SPECC1: variants seen among roughly 807,000 people sequenced by gnomAD.
SPECC1 encodes the protein sperm antigen with calponin homology and coiled-coil domains 1.
In SPECC1, 62 loss-of-function variants were observed where a neutral mutation model predicts 104.1. That is an observed-to-expected ratio of 0.60 (90% CI 0.49 to 0.74). The LOEUF is 0.74. Ranked by LOEUF, SPECC1 falls within the 30% of genes least tolerant of loss-of-function variation. The pLI is 0.00. For synonymous variants in SPECC1, 513 were observed against 501.6 expected (o/e 1.02, Z -0.30); for missense variants, 1,306 against 1,310.5 (o/e 1.00, Z 0.05).
chr17:20,082,501 G>C (rs2047013171), intron 1 of SPECC1, among the ~76,000 whole-genome samples: 1 of 152,222 alleles, frequency 6.6e-6, no homozygotes, highest in Non-Finnish European at 1.5e-5. Context: ...AGAGGCTGAG[G>C]TGGGAGGGTT....
chr17:20,194,725 C>T (rs1005767514), intron 3 of SPECC1, among the ~76,000 whole-genome samples: 7 of 151,570 alleles, frequency 4.6e-5, no homozygotes, highest in Admixed American at 1.3e-4. Flanking sequence ...AGGATGGTCT[C>T]GATCTCCTGA....
At chr17:20,069,795 C>T (rs2046482109) in intron 1 of SPECC1, among the ~76,000 whole-genome samples, 1 of 151,956 alleles carries the variant, frequency 6.6e-6, no homozygotes, top group South Asian at 2.1e-4. Context: ...TCCACTTACT[C>T]ATACATATTG....
chr17:20,199,426 G>A (rs1239000503), intron 3 of SPECC1, among the ~76,000 whole-genome samples: 5 of 124,382 alleles, frequency 4.0e-5, no homozygotes, highest in African/African-American at 1.6e-4. Context: ...TAGAGACAGG[G>A]TCTTTCTCTG....
intron 3 of SPECC1, among the ~76,000 whole-genome samples, chr17:20,115,514 G>T (rs2048712589): frequency 6.6e-6 from 1 of 151,648 alleles, no homozygotes; most frequent in Non-Finnish European, 1.5e-5. Context: ...AAAAATTGGA[G>T]ATCAAAATAT....
intron 12 of SPECC1, among the ~76,000 whole-genome samples, chr17:20,285,409 TCTTA>T (rs1018417137): frequency 1.8e-4 from 28 of 151,972 alleles, no homozygotes; most frequent in African/African-American, 4.8e-4. Flanking sequence ...AAATTCTGTA[TCTTA>T]CTTTTTTTTT....
At position 20,213,244 on chromosome 17, in the gene SPECC1, TGC is replaced by T. The variant is rs533466930; in HGVS notation, c.1863+7333_1863+7334del. Among the ~76,000 whole-genome samples the T allele has an allele frequency of 4.6e-5, 7 of 152,268 alleles. No individual in the cohort carries two copies. In the East Asian group the frequency reaches 9.7e-4, roughly 21 times the overall value. ...TCCCAAGTAGCTGGAATTACAGGTG[TGC>T]AACACTATGCCCAATTTTTTATTTT... is the stretch of plus-strand genomic sequence containing the variant. On this transcript the variant is annotated intron_variant, in intron 4 of 14. Coordinates refer to ENST00000395527, the MANE Select transcript of SPECC1 (RefSeq NM_001243439.2).
intron 1 of SPECC1, among the ~76,000 whole-genome samples, chr17:20,082,733 G>C (rs185408505): frequency 6.6e-6 from 1 of 152,188 alleles, no homozygotes; most frequent in East Asian, 1.9e-4. Context: ...TGACCTCATT[G>C]CACCTTAATT....
At chr17:20,155,741 C>T in intron 3 of SPECC1, 1 of 225,644 alleles carries the variant, frequency 4.4e-6, no homozygotes, top group Non-Finnish European at 7.8e-6. Context: ...TCCGCCTCAC[C>T]GCAGTGGGGT....
At chr17:20,179,327 C>G (rs1226108807) in intron 3 of SPECC1, among the ~76,000 whole-genome samples, 1 of 152,274 alleles carries the variant, frequency 6.6e-6, no homozygotes, top group Non-Finnish European at 1.5e-5. Context: ...TTTCTGGGAT[C>G]TTGATCTTGC....
chr17:20,244,618 C>G (rs1042801321), intron 7 of SPECC1, among the ~76,000 whole-genome samples: 1 of 151,854 alleles, frequency 6.6e-6, no homozygotes, highest in African/African-American at 2.4e-5. Context: ...CAGAAGAAAG[C>G]TTAGAGAATT....
intron 3 of SPECC1, among the ~76,000 whole-genome samples, chr17:20,190,477 T>TA (rs1236307502): frequency 6.6e-6 from 1 of 152,082 alleles, no homozygotes; most frequent in African/African-American, 2.4e-5. Flanking sequence ...TACTGCCTTC[T>TA]AAAAAAATAA....
intron 10 of SPECC1, 70 bp downstream of exon 10, chr17:20,253,656 C>G (rs1222544732): frequency 3.5e-6 from 5 of 1,417,294 alleles, no homozygotes; most frequent in Non-Finnish European, 4.9e-6. Context: ...CATTTCTCTG[C>G]ATGAAACTGA....
intron 3 of SPECC1, among the ~76,000 whole-genome samples, chr17:20,190,888 A>G (rs949263887): frequency 6.6e-6 from 1 of 151,536 alleles, no homozygotes; most frequent in African/African-American, 2.4e-5. Flanking sequence ...CCTCCCCCCA[A>G]CCCCTGGCAA....
Position 20,204,488 on chromosome 17 carries a change from C to G in SPECC1, c.439C>G (p.Leu147Val). The change falls in exon 4 of 15, where the codon CTG (leucine) becomes GTG (valine). Residue 147 changes from leucine (L) to valine (V), a missense_variant. Physicochemically the swap from Leu to Val is conservative, Grantham distance 32. This residue lies in a region of SPECC1 where 1,177 missense variants were observed against 1,139.9 expected (regional missense o/e 1.03). Transcript: ENST00000395527. ...SSNTPTPTKH[L>V]RTPSTKPKQE... is the part of the protein sequence containing the mutation. ...CAACACTCCCACTCCTACGAAACAC[C>G]TGAGGACCCCTTCCACAAAGCCCAA... 6.2e-7 allele frequency: 1 copy of G among 1,614,104 alleles called. No individual in the cohort carries two copies.
At chr17:20,014,660 ACT>A (rs2044053992) in intron 1 of SPECC1, among the ~76,000 whole-genome samples, 3 of 150,552 alleles carry the variant, frequency 2.0e-5, no homozygotes, top group South Asian at 2.1e-4. Flanking sequence ...CACGCGTCTG[ACT>A]CTCGTTTCTT....
rs1044138655 is a variant in SPECC1 at position 20,181,565 on chromosome 17, A to T, written c.284-22768A>T. ...CTAGAAAAAATATAAAACCTGAAGT[A>T]TTATTGCTAGTATTTAACATTGTTT... On this transcript the variant is annotated intron_variant, in intron 3 of 14. Coordinates refer to ENST00000395527, the MANE Select transcript of SPECC1 (RefSeq NM_001243439.2). 2.6e-5 allele frequency among the ~76,000 whole-genome samples: 4 copies of T among 152,284 alleles called. No homozygotes were observed. The South Asian group carries it at 8.3e-4, about 32-fold the overall frequency.
chr17:20,272,560 G>A (rs1406230222), intron 12 of SPECC1, among the ~76,000 whole-genome samples: 1 of 152,082 alleles, frequency 6.6e-6, no homozygotes, highest in Non-Finnish European at 1.5e-5. Flanking sequence ...CCAGCCTCTG[G>A]CAGCAGCCAT....
chr17:20,296,292 G>A (rs1048439638), intron 12 of SPECC1, among the ~76,000 whole-genome samples: 9 of 152,130 alleles, frequency 5.9e-5, no homozygotes, highest in African/African-American at 1.2e-4. Flanking sequence ...TTTCCCCGTT[G>A]CTTGTTTTTG....
At chr17:20,034,122 A>G (rs755323260) in intron 1 of SPECC1, among the ~76,000 whole-genome samples, 14 of 149,664 alleles carry the variant, frequency 9.4e-5, no homozygotes, top group South Asian at 2.1e-4. Context: ...TTTGAGACGG[A>G]GTCTCGCTCT....
Sources: gnomAD v4.1 joint callset for allele counts (sites outside exome capture counted in the v4.1 genomes callset) on GRCh38, gnomAD v4.1.1 for gene constraint, gnomAD v4.1.1 regional missense constraint, MANE v1.5 for transcripts, NCBI Gene and HGNC (gene_info 2026-07-23, HGNC 2026-07-21) for gene names.